The following CIB4 variants were observed in gnomAD, a reference collection of about 807,000 sequenced individuals.
CIB4 encodes calcium and integrin-binding family member 4.
CIB4 carries 25 observed loss-of-function variants against 25.8 expected under a neutral mutation model. That is an observed-to-expected ratio of 0.97 (90% CI 0.71 to 1.35). The LOEUF is 1.35. CIB4 is among the 40% of genes most tolerant of loss of function. The probability of loss-of-function intolerance (pLI) is 0.00; values close to 1 mark genes in which losing one functional copy is unlikely to be tolerated. For missense variants in CIB4, 235 were observed against 228.2 expected (o/e 1.03, Z -0.19); for synonymous variants, 75 against 81.4 (o/e 0.92, Z 0.42).
intron 4 of CIB4, among the ~76,000 whole-genome samples, chr2:26,590,459 C>G (rs114729136): frequency 0.013 from 2,001 of 152,170 alleles, 39 homozygotes; most frequent in African/African-American, 0.046. Flanking sequence ...GATACTGCTG[C>G]TCTGTGGGCC....
intron 3 of CIB4, among the ~76,000 whole-genome samples, chr2:26,607,793 C>T (rs1668919277): frequency 6.6e-6 from 1 of 152,250 alleles, no homozygotes; most frequent in Non-Finnish European, 1.5e-5. Context: ...TTACCTGGGC[C>T]AGCGTGTGTC....
chr2:26,582,947 A>G (rs773026292), intron 5 of CIB4, 34 bp from the exon 6 acceptor site: 1 of 1,474,904 alleles, frequency 6.8e-7, no homozygotes, highest in Non-Finnish European at 9.5e-7. Context: ...GTTGAGTGGA[A>G]CCCCATGTCA....
In CIB4 at chr2:26,591,265, G is replaced by A. The variant is rs561139193; in HGVS notation, c.328+3911C>T. ...TGGTCACCTATCCCAGGGGAAGCTA[G>A]ATCACTGGCTGGGTGAGAAAACAGA... On this transcript the variant is annotated intron_variant, in intron 4 of 6. Transcript: ENST00000288861. Among the ~76,000 whole-genome samples the A allele has an allele frequency of 3.9e-5, 6 of 152,362 alleles. No homozygotes were observed. The East Asian group carries it at 1.2e-3, about 29-fold the overall frequency.
intron 3 of CIB4, among the ~76,000 whole-genome samples, chr2:26,598,949 G>A (rs1668733728): frequency 6.6e-6 from 1 of 151,838 alleles, no homozygotes; most frequent in Non-Finnish European, 1.5e-5. Context: ...AGCCAAGAAG[G>A]GGAAGCTGAA....
In CIB4 at chr2:26,638,674, C is replaced by G. The variant is rs180937458; in HGVS notation, c.89+1859G>C. Among the ~76,000 whole-genome samples, 214 of 152,232 alleles carry G rather than the reference C, an allele frequency of 1.4e-3. 1 individual carries two copies. The highest frequency in any genetic ancestry group is 5.0e-3 in the African/African-American group (208 of 41,534). On this transcript the variant is annotated intron_variant, in intron 2 of 6. Transcript: ENST00000288861. Reference sequence around the variant, plus strand: ...CCCATCGAAGTTCTAAAATGTAGGCCGGGTGCAGTGGCTCACCCCTGTAAT... The same window carrying G: ...CCCATCGAAGTTCTAAAATGTAGGCGGGGTGCAGTGGCTCACCCCTGTAAT...
Position 26,625,514 on chromosome 2 carries a change from G to A in CIB4, c.186+3896C>T, listed in dbSNP as rs1307988293. Among the ~76,000 whole-genome samples the A allele has an allele frequency of 5.3e-5, 8 of 152,154 alleles. 1 individual carries two copies. In the South Asian group the frequency reaches 1.0e-3, roughly 20 times the overall value. ...ATTACAGGCATGTGCCACCATGCCCGGCTAATTTTGTATTTTTAGTAGAGA... is the reference window on the plus strand; with the variant it reads ...ATTACAGGCATGTGCCACCATGCCCAGCTAATTTTGTATTTTTAGTAGAGA... On this transcript the variant is annotated intron_variant, in intron 3 of 6. Transcript: ENST00000288861.
rs13012818 is a variant in CIB4, at chr2:26,589,045, T to C, written c.329-5147A>G. ...CTTCTTCTTCTTCTTCTTCTTCTTCTTCTTCTTCTTCTTCCTCTTCCTCTT... is the reference window on the plus strand; with the variant it reads ...CTTCTTCTTCTTCTTCTTCTTCTTCCTCTTCTTCTTCTTCCTCTTCCTCTT... On this transcript the variant is annotated intron_variant, in intron 4 of 6. Transcript: ENST00000288861. 3.2e-3 allele frequency among the ~76,000 whole-genome samples: 153 copies of C among 47,770 alleles called. 6 individuals are homozygous for C. Among genetic ancestry groups the C allele is most frequent in the African/African-American group, 6.5e-3 (74 of 11,422 alleles). 31.3% of individuals were successfully genotyped at this position (47,770 alleles called of 152,430 possible). A position where few individuals can be genotyped will look rare whatever the true frequency, so the allele number is the denominator to read the frequency against.
intron 2 of CIB4, among the ~76,000 whole-genome samples, chr2:26,639,272 A>G (rs1206587802): frequency 6.6e-6 from 1 of 151,686 alleles, no homozygotes; most frequent in Non-Finnish European, 1.5e-5. Flanking sequence ...AGGTATACAC[A>G]TGTCATGGTG....
At chr2:26,593,354 A>G (rs1668621743) in intron 4 of CIB4, among the ~76,000 whole-genome samples, 1 of 151,806 alleles carries the variant, frequency 6.6e-6, no homozygotes, top group Non-Finnish European at 1.5e-5. Flanking sequence ...ATACATATAT[A>G]CATATACATA....
At chr2:26,595,040 A>T in intron 4 of CIB4, 136 bp downstream of exon 4, 1 of 801,912 alleles carries the variant, frequency 1.2e-6, no homozygotes, top group Non-Finnish European at 2.0e-6. Context: ...TACATGCAAA[A>T]TATGACACAG....
chr2:26,581,351 T>C lies in CIB4; in HGVS notation c.*12A>G, dbSNP rs775092993. The C allele has an allele frequency of 1.2e-6, 2 of 1,612,584 alleles. No individual in the cohort carries two copies. The highest frequency in any genetic ancestry group is 2.7e-5 in the African/African-American group (2 of 74,840). On this transcript the variant is annotated 3_prime_UTR_variant, in exon 7 of 7. Transcript: ENST00000288861. Reference sequence around the variant, plus strand: ...TCCCTCGAGGCTGCCATGTCAGGTGTTTGCCGCTACATCAGCATCCCCAGA... The same window carrying C: ...TCCCTCGAGGCTGCCATGTCAGGTGCTTGCCGCTACATCAGCATCCCCAGA...
chr2:26,609,992 T>C (rs1055207262), intron 3 of CIB4, among the ~76,000 whole-genome samples: 1 of 152,222 alleles, frequency 6.6e-6, no homozygotes, highest in African/African-American at 2.4e-5. Context: ...GAAAACTGCC[T>C]AGAACATTCG....
At position 26,624,976 on chromosome 2, in the gene CIB4, C is replaced by A. The variant is rs72857984; in HGVS notation, c.186+4434G>T. Among the ~76,000 whole-genome samples, 527 of 152,202 alleles carry A rather than the reference C, an allele frequency of 3.5e-3. 5 individuals carry two copies. The highest frequency in any genetic ancestry group is 0.012 in the African/African-American group (498 of 41,514). ...GAGGGGATGGATGCCCCATTCTCCA[C>A]GATGTGCTTATTTCGCATTGCATCA... is the stretch of plus-strand genomic sequence containing the variant. On this transcript the variant is annotated intron_variant, in intron 3 of 6. Coordinates refer to ENST00000288861, the MANE Select transcript of CIB4 (RefSeq NM_001029881.3).
intron 4 of CIB4, among the ~76,000 whole-genome samples, chr2:26,589,129 TTCTTCTTCTTCTCCTTCCCCTTCC>T (rs1167729174): frequency 1.5e-5 from 2 of 135,876 alleles, no homozygotes; most frequent in African/African-American, 6.0e-5. Context: ...CTTCTTCTTC[TTCTTCTTCTTCTCCTTCCCCTTCC>T]CCTTCCCCTT....
At chr2:26,630,398 G>A (rs1289856064) in intron 2 of CIB4, among the ~76,000 whole-genome samples, 1 of 152,186 alleles carries the variant, frequency 6.6e-6, no homozygotes, top group Non-Finnish European at 1.5e-5. Flanking sequence ...AACTGCTGTG[G>A]CAGGGCTGTG....
intron 4 of CIB4, among the ~76,000 whole-genome samples, chr2:26,591,736 GC>G (rs1668590117): frequency 6.6e-6 from 1 of 152,178 alleles, no homozygotes; most frequent in Non-Finnish European, 1.5e-5. Flanking sequence ...ACTCCATCTT[GC>G]CAGTGGGGTG....
chr2:26,639,349 C>T (rs1221435405), intron 2 of CIB4, among the ~76,000 whole-genome samples: 1 of 144,750 alleles, frequency 6.9e-6, no homozygotes, highest in East Asian at 2.1e-4. Context: ...CTCCCCTAGA[C>T]CCCCACCCCC....
At chr2:26,588,413 C>A (rs745887018) in intron 4 of CIB4, among the ~76,000 whole-genome samples, 1 of 152,224 alleles carries the variant, frequency 6.6e-6, no homozygotes, top group Non-Finnish European at 1.5e-5. Flanking sequence ...GCCCAGGCGG[C>A]CTCTGCAGCC....
At chr2:26,616,480 T>C (rs1669094725) in intron 3 of CIB4, among the ~76,000 whole-genome samples, 1 of 152,192 alleles carries the variant, frequency 6.6e-6, no homozygotes, top group African/African-American at 2.4e-5. Context: ...TTTGTCCCGC[T>C]GGGGCGTCTG....
Sources: gnomAD v4.1 joint callset for allele counts (sites outside exome capture counted in the v4.1 genomes callset) on GRCh38, gnomAD v4.1.1 for gene constraint, MANE v1.5 for transcripts, NCBI Gene and HGNC (gene_info 2026-07-23, HGNC 2026-07-21) for gene names.